GABRA2: variants seen among roughly 807,000 people sequenced by gnomAD.
The protein encoded by GABRA2 is gamma-aminobutyric acid receptor subunit alpha-2.
In GABRA2, 16 loss-of-function variants were observed where a neutral mutation model predicts 48.7. That is an observed-to-expected ratio of 0.33 (90% CI 0.22 to 0.50). The LOEUF is 0.50. Among genes scored for constraint, GABRA2 ranks in the 20% least tolerant of loss-of-function variants. The probability of loss-of-function intolerance (pLI) is 0.98; values close to 1 mark genes in which losing one functional copy is unlikely to be tolerated. For synonymous variants in GABRA2, 185 were observed against 184.5 expected (o/e 1.00, Z -0.02); for missense variants, 275 against 535.6 (o/e 0.51, Z 4.80).
intron 6 of GABRA2, among the ~76,000 whole-genome samples, chr4:46,306,738 T>C (rs1242636094): frequency 2.4e-4 from 37 of 152,188 alleles, no homozygotes; most frequent in Admixed American, 2.4e-3. Context: ...GCAACAGTTC[T>C]ACCTCCAGCT....
intron 3 of GABRA2, chr4:46,364,680 C>G (rs1713765828): frequency 6.6e-6 from 1 of 152,192 alleles, no homozygotes; most frequent in African/African-American, 2.4e-5. Context: ...TGCCATGTGG[C>G]CCCCTACCAG....
At chr4:46,285,106 T>C (rs1287223429) in intron 8 of GABRA2, among the ~76,000 whole-genome samples, 1 of 151,582 alleles carries the variant, frequency 6.6e-6, no homozygotes, top group Non-Finnish European at 1.5e-5. Context: ...AGGCAGGTCT[T>C]AGCATTTTTG....
chr4:46,363,755 A>G (rs976109430), intron 3 of GABRA2: 1 of 152,174 alleles, frequency 6.6e-6, no homozygotes, highest in Non-Finnish European at 1.5e-5. Context: ...CAAGGATGAT[A>G]AAAATAAAAT....
chr4:46,379,372 C>A (rs1018598179), intron 3 of GABRA2, among the ~76,000 whole-genome samples: 2 of 152,160 alleles, frequency 1.3e-5, no homozygotes, highest in Non-Finnish European at 2.9e-5. Flanking sequence ...TTCAGGCACC[C>A]AAGCACATGT....
rs544993848 is a variant in GABRA2, at chr4:46,331,093, T to C, written c.255+1522A>G. On this transcript the variant is annotated intron_variant, in intron 4 of 9. Transcript: ENST00000381620. ...CAGATTAATATTTCAGGTCAAAATATACAATAATGCCAGGGAAAAAGAAGG... is the reference window on the plus strand; with the variant it reads ...CAGATTAATATTTCAGGTCAAAATACACAATAATGCCAGGGAAAAAGAAGG... 3.0e-4 allele frequency among the ~76,000 whole-genome samples: 46 copies of C among 152,292 alleles called. No individual in the cohort carries two copies. The South Asian group carries it at 9.1e-3, about 30-fold the overall frequency.
At chr4:46,387,464 TTAAAG>T (rs938468052) in intron 2 of GABRA2, among the ~76,000 whole-genome samples, 5 of 152,184 alleles carry the variant, frequency 3.3e-5, no homozygotes, top group African/African-American at 1.2e-4. Context: ...AGAGAAAATA[TTAAAG>T]TATTCAAATG....
At chr4:46,278,038 T>TA (rs1177642201) in intron 8 of GABRA2, among the ~76,000 whole-genome samples, 6 of 152,304 alleles carry the variant, frequency 3.9e-5, no homozygotes, top group Admixed American at 6.5e-5. Context: ...TAGTCAGATA[T>TA]AAAAAATGTA....
intron 8 of GABRA2, among the ~76,000 whole-genome samples, chr4:46,275,569 A>G (rs946759838): frequency 1.3e-5 from 2 of 152,152 alleles, no homozygotes; most frequent in Admixed American, 1.3e-4. Context: ...CAATTTCATG[A>G]GTTTAAAATA....
intron 4 of GABRA2, among the ~76,000 whole-genome samples, chr4:46,323,080 T>G (rs1312258942): frequency 6.6e-6 from 1 of 151,918 alleles, no homozygotes; most frequent in Non-Finnish European, 1.5e-5. Flanking sequence ...AATTATATTT[T>G]AAAGAAAGTC....
At chr4:46,348,389 TAG>T (rs1278977435) in intron 3 of GABRA2, among the ~76,000 whole-genome samples, 1 of 151,964 alleles carries the variant, frequency 6.6e-6, no homozygotes, top group East Asian at 1.9e-4. Context: ...GATCTAGAAC[TAG>T]AAATACCATT....
rs1714197643 is a variant in GABRA2 at position 46,248,934 on chromosome 4, ATAAATAATATTTTAAGATAT to A, written c.*1354_*1373del. On this transcript the variant is annotated 3_prime_UTR_variant, in exon 10 of 10. Transcript: ENST00000381620. ...AACTTTTATTAGCATATTTCGGGGC[ATAAATAATATTTTAAGATAT>A]TAAAAGAAAAATGAATTTTACCCAT... is the stretch of plus-strand genomic sequence containing the variant. 6.6e-6 allele frequency: 1 copy of A among 151,526 alleles called. No individual in the cohort carries two copies. The highest frequency in any genetic ancestry group is 2.4e-5 in the African/African-American group (1 of 41,356). The allele number at this position is 151,526 out of a possible 1,614,324, so 9.4% of individuals were successfully genotyped here.
At chr4:46,374,002 C>G (rs1337716482) in intron 3 of GABRA2, among the ~76,000 whole-genome samples, 1 of 152,136 alleles carries the variant, frequency 6.6e-6, no homozygotes, top group Non-Finnish European at 1.5e-5. Flanking sequence ...ATCTTCCTTG[C>G]AAACCTAAGT....
At chr4:46,295,671 G>A (rs549620102) in intron 8 of GABRA2, among the ~76,000 whole-genome samples, 4 of 152,300 alleles carry the variant, frequency 2.6e-5, no homozygotes, top group African/African-American at 7.2e-5. Flanking sequence ...CTGGGTACCC[G>A]ATTTGCCAGC....
intron 8 of GABRA2, among the ~76,000 whole-genome samples, chr4:46,266,007 C>T (rs1044547824): frequency 6.6e-6 from 1 of 151,726 alleles, no homozygotes; most frequent in Non-Finnish European, 1.5e-5. Context: ...TCTAATTCTA[C>T]TCTATTGTGG....
At chr4:46,275,548 C>G (rs945536668) in intron 8 of GABRA2, among the ~76,000 whole-genome samples, 23 of 152,068 alleles carry the variant, frequency 1.5e-4, no homozygotes, top group African/African-American at 4.1e-4. Flanking sequence ...ATAAGAACCA[C>G]TATTATATTC....
At chr4:46,362,521 G>C (rs1713376956) in intron 3 of GABRA2, among the ~76,000 whole-genome samples, 1 of 152,090 alleles carries the variant, frequency 6.6e-6, no homozygotes, top group Admixed American at 6.5e-5. Context: ...GTCAAAAAAA[G>C]AAACACAAAA....
At chr4:46,355,099 C>T (rs929009843) in intron 3 of GABRA2, among the ~76,000 whole-genome samples, 6 of 152,072 alleles carry the variant, frequency 3.9e-5, no homozygotes, top group East Asian at 1.9e-4. Flanking sequence ...CCTCCACCCA[C>T]GTCAACACTT....
chr4:46,283,678 C>T (rs564049740), intron 8 of GABRA2, among the ~76,000 whole-genome samples: 3 of 152,248 alleles, frequency 2.0e-5, no homozygotes, highest in Non-Finnish European at 4.4e-5. Context: ...CTGTATGAAA[C>T]GAAATGCATT....
Position 46,303,616 on chromosome 4 carries a change from G to T in GABRA2, c.704-4C>A. 6.2e-7 allele frequency: 1 copy of T among 1,612,198 alleles called. No individual in the cohort carries two copies. Among genetic ancestry groups the T allele is most frequent in the Non-Finnish European group, 8.5e-7 (1 of 1,178,674 alleles). On this transcript the variant is annotated splice_polypyrimidine_tract_variant and splice_region_variant and intron_variant, in intron 7 of 9. Coordinates refer to ENST00000381620, the MANE Select transcript of GABRA2 (RefSeq NM_000807.4). ...GCTGTCATTACAGTATATTCACCTG[G>T]AAGAAAAATTTAAGAAGCTCAAGGA...
Sources: allele counts gnomAD v4.1 joint callset (sites outside exome capture counted in the v4.1 genomes callset), GRCh38; gene constraint gnomAD v4.1.1; transcripts MANE v1.5; gene names NCBI Gene and HGNC (gene_info 2026-07-23, HGNC 2026-07-21).